ZFHX4: variants seen among roughly 807,000 people sequenced by gnomAD.
ZFHX4 encodes zinc finger homeobox protein 4.
ZFHX4 carries 56 observed loss-of-function variants against 267.6 expected under a neutral mutation model. The observed-to-expected ratio is 0.21, with a 90% CI of 0.17 to 0.26. ZFHX4 has a LOEUF of 0.26. Among genes scored for constraint, ZFHX4 ranks in the 10% least tolerant of loss-of-function variants. ZFHX4 has a pLI of 1.00. For missense variants in ZFHX4, 4,332 were observed against 4,420.0 expected (o/e 0.98, Z 0.56); for synonymous variants, 1,778 against 1,665.6 (o/e 1.07, Z -1.64).
intron 1 of ZFHX4, among the ~76,000 whole-genome samples, chr8:76,687,936 C>T (rs1161772384): frequency 6.6e-6 from 1 of 152,158 alleles, no homozygotes; most frequent in African/African-American, 2.4e-5. Context: ...ATGCAGGCTT[C>T]TCTTTCTTTA....
chr8:76,841,497 G>A (rs983182135), intron 5 of ZFHX4, among the ~76,000 whole-genome samples: 16 of 152,062 alleles, frequency 1.1e-4, no homozygotes, highest in Non-Finnish European at 1.6e-4. Flanking sequence ...CCATAGCAGC[G>A]TTTTGTATGG....
intron 4 of ZFHX4, among the ~76,000 whole-genome samples, chr8:76,822,021 A>C (rs1160610720): frequency 6.6e-6 from 1 of 151,958 alleles, no homozygotes; most frequent in Non-Finnish European, 1.5e-5. Context: ...CTCCACATAC[A>C]CACACATGCA....
Position 76,835,217 on chromosome 8 carries a change from A to ATG in ZFHX4, c.3394+1813_3394+1814dup, listed in dbSNP as rs1303844442. Among the ~76,000 whole-genome samples, 164 of 104,326 alleles carry ATG rather than the reference A, an allele frequency of 1.6e-3. 1 individual carries two copies. Among genetic ancestry groups the ATG allele is most frequent in the African/African-American group, 5.8e-3 (116 of 20,006 alleles). 68.4% of individuals were successfully genotyped at this position (104,326 alleles called of 152,430 possible). On this transcript the variant is annotated intron_variant, in intron 5 of 10. Transcript: ENST00000651372. ...AATCCTTTTGCTTTGGTGTATATAT[A>ATG]TGTATATATATATATATATATATGT...
intron 4 of ZFHX4, among the ~76,000 whole-genome samples, chr8:76,779,704 T>C (rs1353748829): frequency 7.2e-5 from 11 of 152,096 alleles, no homozygotes. Flanking sequence ...TTTCTTTTTT[T>C]CCCCCTCTTA....
intron 4 of ZFHX4, among the ~76,000 whole-genome samples, chr8:76,818,104 T>C (rs916418823): frequency 6.6e-6 from 1 of 152,172 alleles, no homozygotes; most frequent in Admixed American, 6.5e-5. Context: ...TTTGAGGGAA[T>C]TCAAGTTCAG....
chr8:76,783,582 A>G (rs79280667), intron 4 of ZFHX4, among the ~76,000 whole-genome samples: 3,185 of 152,078 alleles, frequency 0.021, 87 homozygotes, highest in African/African-American at 0.071. Flanking sequence ...ATTCTTGCAT[A>G]ATGTATATAA....
intron 6 of ZFHX4, among the ~76,000 whole-genome samples, chr8:76,843,204 C>T (rs752819070): frequency 2.2e-4 from 34 of 152,172 alleles, no homozygotes; most frequent in Non-Finnish European, 3.7e-4. Flanking sequence ...CGCCAAACCA[C>T]GTAACCCTAA....
intron 1 of ZFHX4, among the ~76,000 whole-genome samples, chr8:76,693,217 T>A (rs1032700225): frequency 1.3e-5 from 2 of 152,106 alleles, no homozygotes; most frequent in African/African-American, 4.8e-5. Context: ...ATTAAAAACA[T>A]AAATAGAAAA....
At chr8:76,781,485 G>A (rs1296971564) in intron 4 of ZFHX4, among the ~76,000 whole-genome samples, 1 of 151,928 alleles carries the variant, frequency 6.6e-6, no homozygotes, top group Non-Finnish European at 1.5e-5. Context: ...TGAAAAAATT[G>A]ATATTTAGAA....
intron 3 of ZFHX4, among the ~76,000 whole-genome samples, chr8:76,767,387 T>A (rs1268533765): frequency 6.6e-6 from 1 of 152,114 alleles, no homozygotes; most frequent in Non-Finnish European, 1.5e-5. Context: ...TTTTGCTCAG[T>A]TTTGCCCTAA....
chr8:76,740,005 G>A (rs1307798812), intron 3 of ZFHX4, among the ~76,000 whole-genome samples: 1 of 152,100 alleles, frequency 6.6e-6, no homozygotes, highest in African/African-American at 2.4e-5. Context: ...TATTTGGGTT[G>A]CAACAGAAAA....
chr8:76,758,696 T>A (rs1201912974), intron 3 of ZFHX4, among the ~76,000 whole-genome samples: 2 of 152,164 alleles, frequency 1.3e-5, no homozygotes, highest in African/African-American at 4.8e-5. Context: ...GGTTTTGCTA[T>A]GTTGCCTAGG....
chr8:76,708,074 G>A (rs1393534762), intron 3 of ZFHX4, 26 bp downstream of exon 3: 1 of 1,610,484 alleles, frequency 6.2e-7, no homozygotes. Flanking sequence ...CATTTCCGTT[G>A]GCACAGAGTA....
intron 4 of ZFHX4, among the ~76,000 whole-genome samples, chr8:76,809,391 T>A (rs898240387): frequency 6.6e-6 from 1 of 152,170 alleles, no homozygotes; most frequent in Admixed American, 6.5e-5. Context: ...CTCTTAAGCA[T>A]AACAGCACAT....
chr8:76,779,235 A>G (rs1347546453), intron 4 of ZFHX4, among the ~76,000 whole-genome samples: 1 of 152,196 alleles, frequency 6.6e-6, no homozygotes, highest in Non-Finnish European at 1.5e-5. Context: ...TAGATAAATC[A>G]TTATTATGTA....
intron 4 of ZFHX4, among the ~76,000 whole-genome samples, chr8:76,786,639 A>G (rs764341790): frequency 3.9e-5 from 6 of 152,102 alleles, no homozygotes; most frequent in Non-Finnish European, 7.4e-5. Context: ...AAAAATAAGA[A>G]ATGTATAAAA....
chr8:76,699,000 C>T (rs1195398825), intron 1 of ZFHX4, among the ~76,000 whole-genome samples: 2 of 152,186 alleles, frequency 1.3e-5, no homozygotes, highest in East Asian at 3.9e-4. Context: ...AAGCTCTAAG[C>T]TGGTTAATGC....
intron 4 of ZFHX4, among the ~76,000 whole-genome samples, chr8:76,820,803 G>C (rs961469771): frequency 6.6e-6 from 1 of 152,116 alleles, no homozygotes; most frequent in African/African-American, 2.4e-5. Context: ...AAAAAGTAAT[G>C]GTGTTGGCTC....
intron 3 of ZFHX4, among the ~76,000 whole-genome samples, chr8:76,769,370 G>A (rs1810198236): frequency 6.7e-6 from 1 of 148,676 alleles, no homozygotes; most frequent in Non-Finnish European, 1.5e-5. Context: ...TTTTTTTTAA[G>A]ACAGGGTCTT....
Sources: allele counts gnomAD v4.1 joint callset (sites outside exome capture counted in the v4.1 genomes callset), GRCh38; gene constraint gnomAD v4.1.1; transcripts MANE v1.5; gene names NCBI Gene and HGNC (gene_info 2026-07-23, HGNC 2026-07-21).